Variants in ADAMTSL3 observed in about 807,000 individuals in gnomAD.
ADAMTSL3 encodes ADAMTS-like protein 3.
In ADAMTSL3, 128 loss-of-function variants were observed where a neutral mutation model predicts 201.7. The ratio of observed to expected loss-of-function variants is 0.63; its 90% CI spans 0.55 to 0.73. The LOEUF is 0.73. ADAMTSL3 is among the 30% of genes least tolerant of loss of function. The pLI is 0.00. For missense variants in ADAMTSL3, 1,990 were observed against 2,119.6 expected, an observed-to-expected ratio of 0.94 and a Z score of 1.20; for synonymous variants, 738 against 748.4, an observed-to-expected ratio of 0.99 and a Z score of 0.23.
intron 8 of ADAMTSL3, among the ~76,000 whole-genome samples, chr15:83,860,253 G>A (rs2064827166): frequency 6.6e-6 from 1 of 152,054 alleles, no homozygotes; most frequent in South Asian, 2.1e-4. Context: ...GTAAGATTTG[G>A]GAATGTTCTG....
At position 83,773,519 on chromosome 15, in the gene ADAMTSL3, C is replaced by G. The variant is rs760545049; in HGVS notation, c.190-4C>G. On this transcript the variant is annotated splice_polypyrimidine_tract_variant and splice_region_variant and intron_variant, in intron 3 of 29. Transcript: ENST00000286744. ...TTTTTGTTTGTTTGCTTTTTAACAT[C>G]TAGACCTCAAGAAACACTCGTTCAG... is the stretch of plus-strand genomic sequence containing the variant. 12 of 1,607,712 alleles carry G rather than the reference C, an allele frequency of 7.5e-6. No individual in the cohort carries two copies. The Admixed American group carries it at 1.2e-4, about 16-fold the overall frequency.
intron 26 of ADAMTSL3, among the ~76,000 whole-genome samples, chr15:84,024,679 T>A (rs1377849448): frequency 6.6e-6 from 1 of 152,204 alleles, no homozygotes; most frequent in Non-Finnish European, 1.5e-5. Flanking sequence ...CAGTCTCCTA[T>A]AATCATTAAA....
At chr15:84,009,338 C>G (rs2067963565) in intron 23 of ADAMTSL3, among the ~76,000 whole-genome samples, 1 of 152,070 alleles carries the variant, frequency 6.6e-6, no homozygotes, top group Non-Finnish European at 1.5e-5. Flanking sequence ...CTGGACCAGT[C>G]TGATGAAGCC....
intron 7 of ADAMTSL3, among the ~76,000 whole-genome samples, chr15:83,847,851 TAACA>T (rs1216033856): frequency 6.6e-6 from 1 of 151,770 alleles, no homozygotes; most frequent in Non-Finnish European, 1.5e-5. Context: ...GTGAGGGAAT[TAACA>T]AACACTTTTT....
chr15:83,892,573 C>T (rs2065529033), intron 12 of ADAMTSL3, 111 bp from the exon 13 acceptor site: 1 of 1,024,494 alleles, frequency 9.8e-7, no homozygotes, highest in African/African-American at 1.6e-5. Context: ...GTCCCAGGCT[C>T]ATTCAGCTGA....
chr15:83,850,502 A>C (rs1225988497), intron 7 of ADAMTSL3, among the ~76,000 whole-genome samples: 1 of 148,620 alleles, frequency 6.7e-6, no homozygotes, highest in East Asian at 1.9e-4. Context: ...TTTATATATA[A>C]AAATATTTTT....
intron 2 of ADAMTSL3, 81 bp from the exon 3 acceptor site, chr15:83,704,308 C>T: frequency 1.3e-6 from 2 of 1,591,556 alleles, no homozygotes; most frequent in Non-Finnish European, 1.7e-6. Context: ...GTGGATTCTC[C>T]TGGAATGGCC....
In ADAMTSL3 at chr15:83,906,615, CCACACACCACACACACACACACACA is replaced by C. The variant is rs1428189812; in HGVS notation, c.1701-6469_1701-6445del. On this transcript the variant is annotated intron_variant, in intron 15 of 29. Coordinates refer to ENST00000286744, the MANE Select transcript of ADAMTSL3 (RefSeq NM_207517.3). Reference sequence around the variant, plus strand: ...TATGTATCTATATATTTATATAGTGCCACACACCACACACACACACACACACACACACACACACACACACACACAC... The same window carrying C: ...TATGTATCTATATATTTATATAGTGCCACACACACACACACACACACACAC... Among the ~76,000 whole-genome samples the C allele has an allele frequency of 3.8e-3, 543 of 142,496 alleles. 5 individuals are homozygous for C. Among genetic ancestry groups the C allele is most frequent in the African/African-American group, 0.012 (459 of 38,390 alleles). 93.5% of individuals were successfully genotyped at this position (142,496 alleles called of 152,430 possible). A position where few individuals can be genotyped will look rare whatever the true frequency, so the allele number is the denominator to read the frequency against.
intron 20 of ADAMTSL3, 38 bp downstream of exon 20, chr15:83,970,675 G>T: frequency 6.2e-7 from 1 of 1,606,600 alleles, no homozygotes; most frequent in Non-Finnish European, 8.5e-7. Context: ...AAGATATGCT[G>T]ATTCTGTTCA....
intron 3 of ADAMTSL3, among the ~76,000 whole-genome samples, chr15:83,708,485 T>C (rs1254833171): frequency 6.6e-6 from 1 of 152,136 alleles, no homozygotes; most frequent in Admixed American, 6.5e-5. Context: ...AGCCACATTA[T>C]GGATCATACG....
At chr15:83,884,967 G>A in intron 9 of ADAMTSL3, 134 bp from the exon 10 acceptor site, 1 of 600,854 alleles carries the variant, frequency 1.7e-6, no homozygotes, top group Non-Finnish European at 2.9e-6. Flanking sequence ...AAACTTATTG[G>A]ACTCTTGCCC....
intron 19 of ADAMTSL3, among the ~76,000 whole-genome samples, chr15:83,946,327 A>T (rs200010637): frequency 6.6e-6 from 1 of 152,186 alleles, no homozygotes; most frequent in Admixed American, 6.5e-5. Context: ...TTGCACATCT[A>T]TGTGGGCCCA....
At chr15:83,903,704 A>G (rs66990951) in intron 15 of ADAMTSL3, among the ~76,000 whole-genome samples, 1 of 150,968 alleles carries the variant, frequency 6.6e-6, no homozygotes, top group African/African-American at 2.4e-5. Context: ...TATCACTTGA[A>G]CTCAGGAGTT....
intron 7 of ADAMTSL3, among the ~76,000 whole-genome samples, chr15:83,850,978 C>T (rs2064600229): frequency 6.6e-6 from 1 of 152,322 alleles, no homozygotes; most frequent in South Asian, 2.1e-4. Flanking sequence ...ATGTGGCTCA[C>T]AGTCTAGCAG....
intron 2 of ADAMTSL3, among the ~76,000 whole-genome samples, chr15:83,699,825 T>A (rs1423560963): frequency 6.6e-6 from 1 of 152,222 alleles, no homozygotes; most frequent in East Asian, 1.9e-4. Flanking sequence ...TCCTCCTGTT[T>A]GAGGTATCAT....
chr15:83,944,814 C>T (rs1009230521), intron 19 of ADAMTSL3, among the ~76,000 whole-genome samples: 2 of 152,198 alleles, frequency 1.3e-5, no homozygotes, highest in Non-Finnish European at 2.9e-5. Context: ...CTTCCGTTTA[C>T]TTTCGCTAAA....
intron 6 of ADAMTSL3, among the ~76,000 whole-genome samples, chr15:83,827,688 A>G (rs1387521486): frequency 1.3e-5 from 2 of 152,184 alleles, no homozygotes; most frequent in Non-Finnish European, 2.9e-5. Context: ...TAATTTTTGT[A>G]TAAGGTGCAA....
intron 19 of ADAMTSL3, among the ~76,000 whole-genome samples, chr15:83,970,208 AAG>A (rs2067167451): frequency 6.6e-6 from 1 of 151,982 alleles, no homozygotes; most frequent in Non-Finnish European, 1.5e-5. Flanking sequence ...CTCCAAAAGA[AAG>A]AGTGAGATGG....
chr15:83,846,660 A>G (rs1475547291), intron 7 of ADAMTSL3, among the ~76,000 whole-genome samples: 1 of 152,208 alleles, frequency 6.6e-6, no homozygotes, highest in Non-Finnish European at 1.5e-5. Flanking sequence ...GCCCCACCCT[A>G]GAATTTTGAG....
Sources: allele counts gnomAD v4.1 joint callset (sites outside exome capture counted in the v4.1 genomes callset), GRCh38; gene constraint gnomAD v4.1.1; transcripts MANE v1.5; gene names NCBI Gene and HGNC (gene_info 2026-07-23, HGNC 2026-07-21).